XKR6: variants seen among roughly 807,000 people sequenced by gnomAD.
XKR6 encodes the protein XK related 6, also known as XK-related protein 6.
Under a neutral mutation model 56.7 loss-of-function variants are expected in XKR6, and 22 were observed. The ratio of observed to expected loss-of-function variants is 0.39; its 90% CI spans 0.28 to 0.55. XKR6 has a LOEUF of 0.55. Ranked by LOEUF, XKR6 falls within the 20% of genes least tolerant of loss-of-function variation. The probability of loss-of-function intolerance (pLI) is 0.66; values close to 1 mark genes in which losing one functional copy is unlikely to be tolerated. For missense variants in XKR6, 852 were observed against 889.0 expected, an observed-to-expected ratio of 0.96 and a Z score of 0.53; for synonymous variants, 524 against 387.8, an observed-to-expected ratio of 1.35 and a Z score of -4.13.
intron 2 of XKR6, among the ~76,000 whole-genome samples, chr8:10,915,169 T>C (rs1253812837): frequency 6.6e-6 from 1 of 152,264 alleles, no homozygotes; most frequent in Non-Finnish European, 1.5e-5. Context: ...TGCCCATCTC[T>C]CTACACAAAG....
chr8:10,932,067 T>C (rs930699636), intron 1 of XKR6, among the ~76,000 whole-genome samples: 2 of 152,064 alleles, frequency 1.3e-5, no homozygotes, highest in Admixed American at 6.5e-5. Flanking sequence ...GGATACACAA[T>C]AGCAAATAAA....
chr8:10,933,789 T>C (rs1801138759), intron 1 of XKR6, among the ~76,000 whole-genome samples: 2 of 149,284 alleles, frequency 1.3e-5, no homozygotes, highest in South Asian at 2.1e-4. Context: ...CATGCTGTTT[T>C]GGTGACTGTA....
Position 11,201,212 on chromosome 8 carries a change from C to CCGT in XKR6, c.127_128insACG (p.Gly42_Gly43insAsp). 1 of 1,521,770 alleles carries CCGT rather than the reference C, an allele frequency of 6.6e-7. No individual in the cohort carries two copies. Among genetic ancestry groups the CCGT allele is most frequent in the African/African-American group, 1.4e-5 (1 of 71,520 alleles). 94.3% of individuals were successfully genotyped at this position (1,521,770 alleles called of 1,614,324 possible). On this transcript the variant is annotated inframe_insertion, in exon 1 of 3. Coordinates refer to ENST00000416569, the MANE Select transcript of XKR6 (RefSeq NM_173683.4). ...GCTCTCGCCGGGCTCGCTGCCGTCG[C>CCGT]CGCCGCCGCCGCAGCCGCCTCCCCC...
intron 1 of XKR6, among the ~76,000 whole-genome samples, chr8:10,951,145 A>G (rs977174500): frequency 6.6e-6 from 1 of 152,216 alleles, no homozygotes. Context: ...GGAAGTCTGG[A>G]GGCCACAGCA....
chr8:10,943,133 G>C (rs1801434578), intron 1 of XKR6, among the ~76,000 whole-genome samples: 1 of 152,346 alleles, frequency 6.6e-6, no homozygotes. Flanking sequence ...GCTGCTTCCT[G>C]GGATCATAGC....
At chr8:10,945,743 C>G (rs1372204832) in intron 1 of XKR6, among the ~76,000 whole-genome samples, 1 of 152,222 alleles carries the variant, frequency 6.6e-6, no homozygotes, top group Non-Finnish European at 1.5e-5. Flanking sequence ...TCATATGTCT[C>G]TATTCCAAGC....
intron 1 of XKR6, among the ~76,000 whole-genome samples, chr8:11,113,467 T>C (rs1391262237): frequency 6.6e-6 from 1 of 152,168 alleles, no homozygotes; most frequent in Non-Finnish European, 1.5e-5. Flanking sequence ...ATGTAATAGC[T>C]TAAAGCTAAC....
chr8:11,043,574 A>T (rs1351359884), intron 1 of XKR6, among the ~76,000 whole-genome samples: 1 of 152,204 alleles, frequency 6.6e-6, no homozygotes, highest in Non-Finnish European at 1.5e-5. Context: ...TGGGTCTTGC[A>T]CTTCCCCTGG....
Position 10,896,716 on chromosome 8 carries a change from T to TTA in XKR6, c.*1234_*1235dup, listed in dbSNP as rs1232749986. On this transcript the variant is annotated 3_prime_UTR_variant, in exon 3 of 3. Coordinates refer to ENST00000416569, the MANE Select transcript of XKR6 (RefSeq NM_173683.4). ...GGTCAGTTATTACAATTTTGACTTT[T>TTA]TATATATATGTATATATATATATAT... 1 of 151,644 alleles carries TTA rather than the reference T, an allele frequency of 6.6e-6. No homozygotes were observed. 9.4% of individuals were successfully genotyped at this position (151,644 alleles called of 1,614,324 possible).
chr8:11,040,954 C>T (rs961313021), intron 1 of XKR6, among the ~76,000 whole-genome samples: 2 of 152,098 alleles, frequency 1.3e-5, no homozygotes, highest in East Asian at 1.9e-4. Flanking sequence ...CTACGTACAT[C>T]GGGCAGATAC....
intron 1 of XKR6, among the ~76,000 whole-genome samples, chr8:10,992,251 A>ACT (rs1006242841): frequency 4.0e-5 from 6 of 150,288 alleles, no homozygotes; most frequent in African/African-American, 1.2e-4. Flanking sequence ...CCATAAACTA[A>ACT]CTCTCTCTCT....
At position 11,181,425 on chromosome 8, in the gene XKR6, T is replaced by C. The variant is rs966234819; in HGVS notation, c.764+19151A>G. 3.3e-5 allele frequency among the ~76,000 whole-genome samples: 5 copies of C among 152,236 alleles called. 1 individual carries two copies. Among genetic ancestry groups the C allele is most frequent in the African/African-American group, 9.6e-5 (4 of 41,458 alleles). On this transcript the variant is annotated intron_variant, in intron 1 of 2. Coordinates refer to ENST00000416569, the MANE Select transcript of XKR6 (RefSeq NM_173683.4). ...TATGGATCGCCTTTTTATACAAGCATATTATCAACCTAAAACTAGATTACA... is the reference window on the plus strand; with the variant it reads ...TATGGATCGCCTTTTTATACAAGCACATTATCAACCTAAAACTAGATTACA...
intron 1 of XKR6, among the ~76,000 whole-genome samples, chr8:10,983,946 C>T (rs773140593): frequency 2.0e-4 from 30 of 152,130 alleles, no homozygotes; most frequent in African/African-American, 4.6e-4. Flanking sequence ...TGAGCCACTG[C>T]GCCCGGCCTT....
intron 1 of XKR6, among the ~76,000 whole-genome samples, chr8:11,188,000 A>C (rs769799659): frequency 1.3e-5 from 2 of 152,206 alleles, no homozygotes; most frequent in African/African-American, 2.4e-5. Context: ...AAAGTTACAT[A>C]GTTTTAAGTA....
intron 1 of XKR6, among the ~76,000 whole-genome samples, chr8:11,145,822 G>A (rs1278624630): frequency 4.0e-5 from 6 of 151,382 alleles, no homozygotes; most frequent in Admixed American, 3.9e-4. Flanking sequence ...CTAGCACACT[G>A]TTTTTGTAGA....
intron 1 of XKR6, among the ~76,000 whole-genome samples, chr8:11,141,337 A>G (rs1800689810): frequency 6.6e-6 from 1 of 152,144 alleles, no homozygotes; most frequent in Non-Finnish European, 1.5e-5. Flanking sequence ...ACTGGGAGGC[A>G]GGATCCTTGG....
intron 1 of XKR6, among the ~76,000 whole-genome samples, chr8:11,114,773 G>GTGTGTGTGTGTGTGTGTGTGTATA (rs34746866): frequency 6.8e-6 from 1 of 146,502 alleles, no homozygotes; most frequent in Non-Finnish European, 1.5e-5. Context: ...GTGTGTGTGT[G>GTGTGTGTGTGTGTGTGTGTGTATA]TATGTGCCAG....
chr8:11,096,256 G>A (rs893131505), intron 1 of XKR6, among the ~76,000 whole-genome samples: 2 of 152,118 alleles, frequency 1.3e-5, no homozygotes, highest in Non-Finnish European at 2.9e-5. Flanking sequence ...ATAAGAAACA[G>A]GCTAAAAGTT....
At chr8:10,969,034 G>C (rs1037918704) in intron 1 of XKR6, among the ~76,000 whole-genome samples, 4 of 152,224 alleles carry the variant, frequency 2.6e-5, no homozygotes, top group Non-Finnish European at 4.4e-5. Context: ...AATTTCCTTA[G>C]GAAACTGGAG....
Sources: gnomAD v4.1 joint callset for allele counts (sites outside exome capture counted in the v4.1 genomes callset) on GRCh38, gnomAD v4.1.1 for gene constraint, MANE v1.5 for transcripts, NCBI Gene and HGNC (gene_info 2026-07-23, HGNC 2026-07-21) for gene names.